The following MYD88 variants were observed in gnomAD, a reference collection of about 807,000 sequenced individuals.
MYD88 encodes myeloid differentiation primary response protein MyD88.
In MYD88, 15 loss-of-function variants were observed where a neutral mutation model predicts 31.1. That is an observed-to-expected ratio of 0.48 (90% CI 0.32 to 0.74). The LOEUF is 0.74. Ranked by LOEUF, MYD88 falls within the 30% of genes least tolerant of loss-of-function variation. MYD88 has a pLI of 0.03. For synonymous variants in MYD88, 157 were observed against 158.8 expected (o/e 0.99, Z 0.08); for missense variants, 308 against 387.4 (o/e 0.79, Z 1.72).
At position 38,138,854 on chromosome 3, in the gene MYD88, G is replaced by T; in HGVS notation, c.154G>T (p.Glu52Ter). The change falls in exon 1 of 5, where the codon GAG becomes TAG. Residue 52 changes from glutamate to a stop codon, truncating the protein, a stop_gained. Transcript: ENST00000650905. LOFTEE classifies it high-confidence loss of function. This position sits in a 1 kb window ranked among gnomAD's most constrained non-coding sequence, Gnocchi z 6.4. ...QVAADWTALAEEMDFEYLEIR... is the reference protein window; with the variant it reads ...QVAADWTALA ...GGCGGCCGACTGGACCGCGCTGGCGGAGGAGATGGACTTTGAGTACTTGGA... is the reference window on the plus strand; with the variant it reads ...GGCGGCCGACTGGACCGCGCTGGCGTAGGAGATGGACTTTGAGTACTTGGA... 6.2e-7 allele frequency: 1 copy of T among 1,613,826 alleles called. No individual in the cohort carries two copies. Among genetic ancestry groups the T allele is most frequent in the Non-Finnish European group, 8.5e-7 (1 of 1,180,008 alleles).
Position 38,142,399 on chromosome 3 carries a change from C to T in MYD88, c.*1113C>T. 4.3e-6 allele frequency: 1 copy of T among 233,286 alleles called. No individual in the cohort carries two copies. Among genetic ancestry groups the T allele is most frequent in the Non-Finnish European group, 8.5e-6 (1 of 118,058 alleles). 14.5% of individuals were successfully genotyped at this position (233,286 alleles called of 1,614,324 possible). On this transcript the variant is annotated 3_prime_UTR_variant, in exon 5 of 5. Coordinates refer to ENST00000650905, the MANE Select transcript of MYD88 (RefSeq NM_002468.5). The stretch of plus-strand genomic sequence containing the variant: ...CCCAGGAACAGCTAGGTGGGAAAGT[C>T]CCATCACTGAGGGAGCCTAACCATG...
At position 38,138,792 on chromosome 3, in the gene MYD88, G is replaced by A. The variant is rs751153924; in HGVS notation, c.92G>A (p.Arg31His). The A allele has an allele frequency of 3.1e-6, 5 of 1,613,320 alleles. No homozygotes were observed. In the South Asian group the frequency reaches 4.4e-5, roughly 14 times the overall value. Residue 31 changes from arginine (R) to histidine (H), a missense_variant, in exon 1 of 5, where the codon CGC becomes CAC. Arg to His is a conservative substitution (Grantham distance 29, BLOSUM62 0). Coordinates refer to ENST00000650905, the MANE Select transcript of MYD88 (RefSeq NM_002468.5). This position sits in a 1 kb window ranked among gnomAD's most constrained non-coding sequence, Gnocchi z 6.4. ...GCTGCTCTCAACATGCGAGTGCGGC[G>A]CCGCCTGTCTCTGTTCTTGAACGTG... The part of the protein sequence containing the change: ...PLAALNMRVR[R>H]RLSLFLNVRT...
chr3:38,138,919 G>C lies in MYD88; in HGVS notation c.219G>C (p.Arg73Ser). Residue 73 changes from arginine to serine, a missense_variant, in exon 1 of 5, where the codon AGG becomes AGC. Coordinates refer to ENST00000650905, the MANE Select transcript of MYD88 (RefSeq NM_002468.5). The surrounding 1 kb of genome is among the most constrained non-coding windows in gnomAD (Gnocchi z 6.4). Reference protein sequence around the residue: ...QLETQADPTGRLLDAWQGRPG... With the variant: ...QLETQADPTGSLLDAWQGRPG... Reference sequence around the variant, plus strand: ...AGACACAAGCGGACCCCACTGGCAGGCTGCTGGACGCCTGGCAGGGACGCC... The same window carrying C: ...AGACACAAGCGGACCCCACTGGCAGCCTGCTGGACGCCTGGCAGGGACGCC... 1.2e-6 allele frequency: 2 copies of C among 1,612,634 alleles called. No homozygotes were observed. Among genetic ancestry groups the C allele is most frequent in the Non-Finnish European group, 1.7e-6 (2 of 1,180,012 alleles).
At position 38,139,950 on chromosome 3, in the gene MYD88, C is replaced by T. The variant is rs2125777621; in HGVS notation, c.415C>T (p.Pro139Ser). 6.2e-7 allele frequency: 1 copy of T among 1,613,674 alleles called. No individual in the cohort carries two copies. The highest frequency in any genetic ancestry group is 8.5e-7 in the Non-Finnish European group (1 of 1,179,982). Reference protein sequence around the residue: ...LQVAAVDSSVPRTAELAGITT... With the variant: ...LQVAAVDSSVSRTAELAGITT... ...GGTGGCCGCTGTAGACAGCAGTGTC[C>T]CACGGACAGCAGAGCTGGCGGGCAT... The change falls in exon 2 of 5, where the codon CCA becomes TCA. Residue 139 changes from proline to serine, a missense_variant. By Grantham distance (74) the Pro-to-Ser change is moderately conservative (BLOSUM62 -1). Transcript: ENST00000650905. This position sits in a 1 kb window ranked among gnomAD's most constrained non-coding sequence, Gnocchi z 4.7.
At position 38,138,757 on chromosome 3, in the gene MYD88, C is replaced by T; in HGVS notation, c.57C>T (p.Ser19=). Residue 19 remains serine (S), a synonymous_variant, in exon 1 of 5, where the codon TCC becomes TCT. Coordinates refer to ENST00000650905, the MANE Select transcript of MYD88 (RefSeq NM_002468.5). This position sits in a 1 kb window ranked among gnomAD's most constrained non-coding sequence, Gnocchi z 6.4. ...CGGCCCCGGTCTCCTCCACATCCTC[C>T]CTTCCCCTGGCTGCTCTCAACATGC... ...GSAAPVSSTS[S]LPLAALNMRV... is the part of the protein sequence containing the mutation. 2 of 1,612,632 alleles carry T rather than the reference C, an allele frequency of 1.2e-6. No individual in the cohort carries two copies. Among genetic ancestry groups the T allele is most frequent in the South Asian group, 1.1e-5 (1 of 91,082 alleles).
At position 38,140,089 on chromosome 3, in the gene MYD88, C is replaced by T. The variant is rs978458155; in HGVS notation, c.463+91C>T. 2.9e-5 allele frequency: 44 copies of T among 1,510,546 alleles called. No individual in the cohort carries two copies. In the Middle Eastern group the frequency reaches 7.2e-4, roughly 25 times the overall value. 93.6% of individuals were successfully genotyped at this position (1,510,546 alleles called of 1,614,324 possible). ...TGTTTGAAGCAGATGGGCTGTGAGA[C>T]CTTGGGCAAGTCACTTAATCTTTCT... is the stretch of plus-strand genomic sequence containing the variant. On this transcript the variant is annotated intron_variant, in intron 2 of 4. Transcript: ENST00000650905.
At position 38,141,306 on chromosome 3, in the gene MYD88, GGT is replaced by G. The variant is rs1701076610; in HGVS notation, c.*29_*30del. ...CCCTGAAGACTGTTCTGAGGCCCTG[GGT>G]GTGTGTGTATCTGTCTGCCTGTCCA... On this transcript the variant is annotated 3_prime_UTR_variant, in exon 5 of 5. Coordinates refer to ENST00000650905, the MANE Select transcript of MYD88 (RefSeq NM_002468.5). 6.2e-7 allele frequency: 1 copy of G among 1,614,118 alleles called. No homozygotes were observed. The highest frequency in any genetic ancestry group is 1.3e-5 in the African/African-American group (1 of 75,030).
rs1467730220 is a variant in MYD88 at position 38,142,923 on chromosome 3, A to G, written c.*1637A>G. 2 of 233,122 alleles carry G rather than the reference A, an allele frequency of 8.6e-6. No homozygotes were observed. The highest frequency in any genetic ancestry group is 1.7e-5 in the Non-Finnish European group (2 of 118,048). 14.4% of individuals were successfully genotyped at this position (233,122 alleles called of 1,614,324 possible). On this transcript the variant is annotated 3_prime_UTR_variant, in exon 5 of 5. Coordinates refer to ENST00000650905, the MANE Select transcript of MYD88 (RefSeq NM_002468.5). ...TTTTGTACGCATTAAAATAATTTCAAAGATATCTGAGAAAAGCCGATATTT... is the reference window on the plus strand; with the variant it reads ...TTTTGTACGCATTAAAATAATTTCAGAGATATCTGAGAAAAGCCGATATTT...
chr3:38,142,748 C>T lies in MYD88; in HGVS notation c.*1462C>T, dbSNP rs1417107693. ...TGCATATCTTTGCTCCACTTTCAGCCAGGCTGGAGCAAGGTACCTTTTCTT... is the reference window on the plus strand; with the variant it reads ...TGCATATCTTTGCTCCACTTTCAGCTAGGCTGGAGCAAGGTACCTTTTCTT... On this transcript the variant is annotated 3_prime_UTR_variant, in exon 5 of 5. Coordinates refer to ENST00000650905, the MANE Select transcript of MYD88 (RefSeq NM_002468.5). 1 of 233,272 alleles carries T rather than the reference C, an allele frequency of 4.3e-6. No homozygotes were observed. The highest frequency in any genetic ancestry group is 8.5e-6 in the Non-Finnish European group (1 of 118,064). 14.5% of individuals were successfully genotyped at this position (233,272 alleles called of 1,614,324 possible). A position where few individuals can be genotyped will look rare whatever the true frequency, so the allele number is the denominator to read the frequency against.
rs1315413305 is a variant in MYD88 at position 38,142,859 on chromosome 3, G to A, written c.*1573G>A. 12 of 233,052 alleles carry A rather than the reference G, an allele frequency of 5.1e-5. No individual in the cohort carries two copies. Among genetic ancestry groups the A allele is most frequent in the Non-Finnish European group, 6.8e-5 (8 of 118,052 alleles). The allele number at this position is 233,052 out of a possible 1,614,324, so 14.4% of individuals were successfully genotyped here. A position where few individuals can be genotyped will look rare whatever the true frequency, so the allele number is the denominator to read the frequency against. On this transcript the variant is annotated 3_prime_UTR_variant, in exon 5 of 5. Coordinates refer to ENST00000650905, the MANE Select transcript of MYD88 (RefSeq NM_002468.5). ...CATGCACCTGTCCCCCTTTAATACT[G>A]GGCATTTTAAAGCCATCTCAAGAGG...
In MYD88 at chr3:38,139,725, C is replaced by T; in HGVS notation, c.329-139C>T. 4 of 1,103,638 alleles carry T rather than the reference C, an allele frequency of 3.6e-6. No individual in the cohort carries two copies. Among genetic ancestry groups the T allele is most frequent in the Non-Finnish European group, 4.0e-6 (3 of 748,782 alleles). 68.4% of individuals were successfully genotyped at this position (1,103,638 alleles called of 1,614,324 possible). A position where few individuals can be genotyped will look rare whatever the true frequency, so the allele number is the denominator to read the frequency against. The stretch of plus-strand genomic sequence containing the variant: ...AGCTCAACTTCTCAGAGCCGTTGAG[C>T]TTCGCGTGGCACCAGTGAACTGGGG... On this transcript the variant is annotated intron_variant, in intron 1 of 4. Transcript: ENST00000650905. The surrounding 1 kb of genome is among the most constrained non-coding windows in gnomAD (Gnocchi z 4.7).
In MYD88 at chr3:38,142,909, T is replaced by C. The variant is rs1486354359; in HGVS notation, c.*1623T>C. ...GCATCTTCTACATGTTTTGTACGCATTAAAATAATTTCAAAGATATCTGAG... is the reference window on the plus strand; with the variant it reads ...GCATCTTCTACATGTTTTGTACGCACTAAAATAATTTCAAAGATATCTGAG... On this transcript the variant is annotated 3_prime_UTR_variant, in exon 5 of 5. Transcript: ENST00000650905. The C allele has an allele frequency of 4.3e-6, 1 of 233,170 alleles. No individual in the cohort carries two copies. The highest frequency in any genetic ancestry group is 8.5e-6 in the Non-Finnish European group (1 of 118,044). The allele number at this position is 233,170 out of a possible 1,614,324, so 14.4% of individuals were successfully genotyped here.
chr3:38,140,897 G>A (rs2125779923), intron 4 of MYD88, 49 bp downstream of exon 4: 1 of 1,569,936 alleles, frequency 6.4e-7, no homozygotes, highest in Non-Finnish European at 8.8e-7. Flanking sequence ...GTGTAGGTGG[G>A]GCCTCTGGAT....
chr3:38,140,107 ATCTT>A, intron 2 of MYD88, 109 bp downstream of exon 2: 1 of 1,406,934 alleles, frequency 7.1e-7, no homozygotes, highest in Non-Finnish European at 9.8e-7. Flanking sequence ...AAGTCACTTA[ATCTT>A]TCTGAGCCTC....
At chr3:38,141,109 G>C (rs764942350) in intron 4 of MYD88, 23 bp from the exon 5 acceptor site, 3 of 1,614,100 alleles carry the variant, frequency 1.9e-6, no homozygotes, top group African/African-American at 1.3e-5. Context: ...CCTGATGCCA[G>C]CATGGCACCC....
chr3:38,141,226 C>T lies in MYD88; in HGVS notation c.831C>T (p.Thr277=), dbSNP rs1701074174. The T allele has an allele frequency of 2.5e-6, 4 of 1,614,082 alleles. No homozygotes were observed. The Admixed American group carries it at 6.7e-5, about 27-fold the overall frequency. The change falls in exon 5 of 5, where the codon ACC becomes ACT. Residue 277 remains threonine (T), a synonymous_variant. Coordinates refer to ENST00000650905, the MANE Select transcript of MYD88 (RefSeq NM_002468.5). The part of the protein sequence containing the change: ...ILRFITVCDY[T]NPCTKSWFWT... ...GGTTCATCACTGTCTGCGACTACAC[C>T]AACCCCTGCACCAAATCTTGGTTCT...
At position 38,141,359 on chromosome 3, in the gene MYD88, T is replaced by C. The variant is rs900137337; in HGVS notation, c.*73T>C. ...TGTACTTCTGCCCTGCCTCCTCCTTTCGTTGTAGGAGGAATCTGTGCTCTA... is the reference window on the plus strand; with the variant it reads ...TGTACTTCTGCCCTGCCTCCTCCTTCCGTTGTAGGAGGAATCTGTGCTCTA... On this transcript the variant is annotated 3_prime_UTR_variant, in exon 5 of 5. Coordinates refer to ENST00000650905, the MANE Select transcript of MYD88 (RefSeq NM_002468.5). 3.8e-6 allele frequency: 6 copies of C among 1,579,542 alleles called. No individual in the cohort carries two copies. In the African/African-American group the frequency reaches 6.7e-5, roughly 18 times the overall value.
In MYD88 at chr3:38,142,270, A is replaced by G; in HGVS notation, c.*984A>G. The G allele has an allele frequency of 4.3e-6, 1 of 233,404 alleles. No individual in the cohort carries two copies. Among genetic ancestry groups the G allele is most frequent in the Non-Finnish European group, 8.5e-6 (1 of 118,104 alleles). 14.5% of individuals were successfully genotyped at this position (233,404 alleles called of 1,614,324 possible). A position where few individuals can be genotyped will look rare whatever the true frequency, so the allele number is the denominator to read the frequency against. On this transcript the variant is annotated 3_prime_UTR_variant, in exon 5 of 5. Transcript: ENST00000650905. ...GCCTCCTGCCCCAAAGCTTGTGGGC[A>G]CATGGGCACATACAGACTCACATAC...
At chr3:38,140,685 C>T in intron 3 of MYD88, 72 bp from the exon 4 acceptor site, 2 of 1,595,292 alleles carry the variant, frequency 1.3e-6, no homozygotes, top group Non-Finnish European at 1.7e-6. Flanking sequence ...GTGGGCCCTT[C>T]CTGAAGCTAT....
Sources: gnomAD v4.1 joint callset for allele counts on GRCh38, gnomAD v4.1.1 for gene constraint, Gnocchi (gnomAD v3.1) non-coding constraint, MANE v1.5 for transcripts, NCBI Gene and HGNC (gene_info 2026-07-23, HGNC 2026-07-21) for gene names.